DSE: variants seen among roughly 807,000 people sequenced by gnomAD.
The protein encoded by DSE is dermatan sulfate epimerase, also known as dermatan-sulfate epimerase.
In DSE, 36 loss-of-function variants were observed where a neutral mutation model predicts 84.4. The ratio of observed to expected loss-of-function variants is 0.43; its 90% confidence interval spans 0.33 to 0.56. DSE has a LOEUF of 0.56. DSE is among the 20% of genes least tolerant of loss of function. The pLI, the probability that DSE is intolerant of heterozygous loss-of-function variation, is 0.06. For synonymous variants in DSE, 410 were observed against 430.1 expected, an observed-to-expected ratio of 0.95 and a Z score of 0.58; for missense variants, 862 against 1,169.6, an observed-to-expected ratio of 0.74 and a Z score of 3.84.
At chr6:116,286,259 A>G (rs1216426810) in intron 2 of DSE, among the ~76,000 whole-genome samples, 1 of 152,126 alleles carries the variant, frequency 6.6e-6, no homozygotes, top group Admixed American at 6.5e-5. Flanking sequence ...CTGGATTCCT[A>G]GGTATTTTAT....
chr6:116,307,113 C>T (rs746169108), intron 2 of DSE, among the ~76,000 whole-genome samples: 1 of 152,164 alleles, frequency 6.6e-6, no homozygotes, highest in African/African-American at 2.4e-5. Context: ...ATGAATCTTT[C>T]ACACAGGCAT....
At chr6:116,304,784 A>T (rs1775246025) in intron 2 of DSE, among the ~76,000 whole-genome samples, 1 of 152,174 alleles carries the variant, frequency 6.6e-6, no homozygotes, top group Non-Finnish European at 1.5e-5. Context: ...CCCAGCCCTC[A>T]TCTGCCTAGA....
chr6:116,334,672 CTT>C (rs1049600722), intron 2 of DSE, among the ~76,000 whole-genome samples: 1 of 151,994 alleles, frequency 6.6e-6, no homozygotes, highest in African/African-American at 2.4e-5. Context: ...CCATTTAAGT[CTT>C]TACTCCATCT....
rs377184693 is a variant in DSE, at chr6:116,299,602, G to A, written c.-54+40635G>A. ...CATATATATGTATGTATATGTGTGT[G>A]TATATGTATGTATGTAGGTAGGTAG... is the stretch of plus-strand genomic sequence containing the variant. On this transcript the variant is annotated intron_variant, in intron 2 of 3. Coordinates refer to the DSE transcript ENST00000430252. Among the ~76,000 whole-genome samples, 4 of 131,416 alleles carry A rather than the reference G, an allele frequency of 3.0e-5. No homozygotes were observed. In the Admixed American group the frequency reaches 3.2e-4, roughly 11 times the overall value. 86.2% of individuals were successfully genotyped at this position (131,416 alleles called of 152,430 possible). A position where few individuals can be genotyped will look rare whatever the true frequency, so the allele number is the denominator to read the frequency against.
chr6:116,359,786 A>G (rs1778788088), intron 2 of DSE, among the ~76,000 whole-genome samples: 1 of 152,204 alleles, frequency 6.6e-6, no homozygotes, highest in African/African-American at 2.4e-5. Context: ...CTTTTCAAGC[A>G]TATGCTAGCT....
rs553397528 is a variant in DSE at position 116,442,376 on chromosome 6, T to G, written c.*5031T>G. On this transcript the variant is annotated 3_prime_UTR_variant, in exon 6 of 6. Transcript: ENST00000644252. ...GTAGTAGGAAGCGGGTCCAGGAGGT[T>G]GTTTTAGCCATGTTAAGTTTAAGAT... 1 of 152,204 alleles carries G rather than the reference T, an allele frequency of 6.6e-6. No individual in the cohort carries two copies. Among genetic ancestry groups the G allele is most frequent in the African/African-American group, 2.4e-5 (1 of 41,534 alleles). The allele number at this position is 152,204 out of a possible 1,614,324, so 9.4% of individuals were successfully genotyped here.
chr6:116,261,964 A>G (rs1772433602), intron 2 of DSE, among the ~76,000 whole-genome samples: 1 of 152,176 alleles, frequency 6.6e-6, no homozygotes, highest in Admixed American at 6.5e-5. Context: ...CATGGTGGAT[A>G]AGCTTTTTGA....
At chr6:116,263,595 C>T (rs950228029) in intron 2 of DSE, among the ~76,000 whole-genome samples, 2 of 152,080 alleles carry the variant, frequency 1.3e-5, no homozygotes, top group African/African-American at 4.8e-5. Flanking sequence ...GCATTTAGGC[C>T]ATTTACATTC....
intron 2 of DSE, among the ~76,000 whole-genome samples, chr6:116,262,162 G>T (rs192272000): frequency 6.6e-6 from 1 of 152,296 alleles, no homozygotes; most frequent in East Asian, 1.9e-4. Context: ...AATAATTTCA[G>T]TAGGGATGAT....
intron 2 of DSE, among the ~76,000 whole-genome samples, chr6:116,320,678 G>A (rs951874902): frequency 2.6e-5 from 4 of 152,048 alleles, no homozygotes; most frequent in African/African-American, 9.7e-5. Flanking sequence ...TTTGCTTGAG[G>A]TGGCCACTCT....
intron 1 of DSE, among the ~76,000 whole-genome samples, chr6:116,371,605 G>A (rs976385421): frequency 1.3e-5 from 2 of 152,200 alleles, no homozygotes; most frequent in African/African-American, 4.8e-5. Flanking sequence ...GCAGATCCTG[G>A]CGCTGGCAAC....
chr6:116,335,163 G>A (rs949309339), intron 2 of DSE, among the ~76,000 whole-genome samples: 3 of 152,128 alleles, frequency 2.0e-5, no homozygotes, highest in Non-Finnish European at 4.4e-5. Flanking sequence ...AGAAAATGTG[G>A]TATATATACA....
intron 2 of DSE, among the ~76,000 whole-genome samples, chr6:116,331,489 A>G (rs1776931062): frequency 6.6e-6 from 1 of 152,182 alleles, no homozygotes; most frequent in Admixed American, 6.5e-5. Flanking sequence ...AAATGCCCCT[A>G]TGATCTAATC....
chr6:116,258,508 G>A (rs1772244859), exon 2 of DSE: 1 of 1,192,010 alleles, frequency 8.4e-7, no homozygotes, highest in Non-Finnish European at 1.3e-6. Flanking sequence ...GGTTGGACTT[G>A]GCCACATGCT....
chr6:116,286,566 A>G (rs1235975152), intron 2 of DSE, among the ~76,000 whole-genome samples: 2 of 152,178 alleles, frequency 1.3e-5, no homozygotes, highest in African/African-American at 4.8e-5. Context: ...AAATTTATAG[A>G]TAATATAACC....
At chr6:116,426,997 T>A (rs1417676762) in intron 3 of DSE, among the ~76,000 whole-genome samples, 170 bp downstream of exon 3, 2 of 152,204 alleles carry the variant, frequency 1.3e-5, no homozygotes, top group African/African-American at 4.8e-5. Flanking sequence ...TTGAGGGACA[T>A]CTCCTCCTTA....
intron 2 of DSE, among the ~76,000 whole-genome samples, chr6:116,286,490 T>G (rs1378175896): frequency 1.3e-5 from 2 of 152,222 alleles, no homozygotes; most frequent in African/African-American, 4.8e-5. Context: ...TTCTCAACTC[T>G]ATCAGACTGA....
intron 2 of DSE, among the ~76,000 whole-genome samples, chr6:116,362,150 G>A (rs967336541): frequency 4.9e-4 from 74 of 152,270 alleles, no homozygotes; most frequent in African/African-American, 1.7e-3. Flanking sequence ...TAGGGCCCCA[G>A]GTATCAAAGG....
chr6:116,408,274 C>G (rs1479737949), intron 2 of DSE, among the ~76,000 whole-genome samples: 1 of 152,084 alleles, frequency 6.6e-6, no homozygotes, highest in East Asian at 1.9e-4. Flanking sequence ...TCATATGTTC[C>G]AAGGAACCCA....
Sources: gnomAD v4.1 joint callset for allele counts (sites outside exome capture counted in the v4.1 genomes callset) on GRCh38, gnomAD v4.1.1 for gene constraint, MANE v1.5 for transcripts, NCBI Gene and HGNC (gene_info 2026-07-23, HGNC 2026-07-21) for gene names.